Variants in HEPACAM2 observed in about 807,000 individuals in gnomAD.
The protein encoded by HEPACAM2 is mitotic kinetics regulator.
HEPACAM2 carries 49 observed loss-of-function variants against 49.6 expected under a neutral mutation model. The ratio of observed to expected loss-of-function variants is 0.99; its 90% CI spans 0.78 to 1.25. The LOEUF (loss-of-function observed/expected upper bound fraction) is 1.25. Among genes scored for constraint, HEPACAM2 ranks in the 50% most tolerant of loss-of-function variants. HEPACAM2 has a pLI of 0.00. For synonymous variants in HEPACAM2, 197 were observed against 202.9 expected (o/e 0.97, Z 0.25); for missense variants, 525 against 557.2 (o/e 0.94, Z 0.58).
chr7:93,219,072 C>G (rs930216218), intron 2 of HEPACAM2, 29 bp downstream of exon 2: 4 of 1,591,192 alleles, frequency 2.5e-6, no homozygotes, highest in Non-Finnish European at 3.4e-6. Flanking sequence ...TGCTAGACTG[C>G]TGCCCTCGTA....
chr7:93,190,084 C>T (rs886360881), intron 9 of HEPACAM2, among the ~76,000 whole-genome samples: 5 of 151,888 alleles, frequency 3.3e-5, no homozygotes, highest in African/African-American at 4.8e-5. Flanking sequence ...TTTAAAAGAT[C>T]GAGTCTTATT....
intron 9 of HEPACAM2, 25 bp downstream of exon 9, chr7:93,192,229 C>G (rs760133477): frequency 1.3e-6 from 2 of 1,529,164 alleles, no homozygotes; most frequent in Non-Finnish European, 1.8e-6. Flanking sequence ...CTCCATAGCA[C>G]CATCAAATGC....
At chr7:93,223,665 G>A (rs1231230390) in intron 1 of HEPACAM2, among the ~76,000 whole-genome samples, 1 of 152,080 alleles carries the variant, frequency 6.6e-6, no homozygotes, top group African/African-American at 2.4e-5. Context: ...AAATGTTTGT[G>A]TGACAGTGAG....
intron 3 of HEPACAM2, among the ~76,000 whole-genome samples, chr7:93,214,872 T>C (rs1794262033): frequency 6.6e-6 from 1 of 152,124 alleles, no homozygotes; most frequent in Non-Finnish European, 1.5e-5. Flanking sequence ...CTTAAGTAAA[T>C]TTCCCCAGGA....
chr7:93,207,722 T>G (rs778805462), intron 4 of HEPACAM2, among the ~76,000 whole-genome samples: 14 of 151,826 alleles, frequency 9.2e-5, no homozygotes, highest in Non-Finnish European at 1.3e-4. Flanking sequence ...ATAGCAATTT[T>G]GGGGGAAAGA....
At chr7:93,197,721 G>A (rs539976698) in intron 4 of HEPACAM2, 111 bp from the exon 5 acceptor site, 39 of 703,946 alleles carry the variant, frequency 5.5e-5, no homozygotes, top group Middle Eastern at 4.1e-4. Flanking sequence ...ATATAAACAC[G>A]TATATTAGAG....
At chr7:93,200,211 A>AT (rs1001002593) in intron 4 of HEPACAM2, among the ~76,000 whole-genome samples, 4 of 151,584 alleles carry the variant, frequency 2.6e-5, no homozygotes, top group Non-Finnish European at 5.9e-5. Context: ...CCACTTTGTG[A>AT]TTTTTTTCGG....
chr7:93,195,868 T>C lies in HEPACAM2; in HGVS notation c.1235A>G (p.Tyr412Cys). 6.2e-7 allele frequency: 1 copy of C among 1,613,118 alleles called. No homozygotes were observed. Among genetic ancestry groups the C allele is most frequent in the Non-Finnish European group, 8.5e-7 (1 of 1,179,466 alleles). The stretch of plus-strand genomic sequence containing the variant: ...AACATCTGGAAAAGCAACAAATTCA[T>C]ATATTCCGAAGTCATCCAGAGCATC... The part of the protein sequence containing the change: ...HEDALDDFGI[Y>C]EFVAFPDVSG... The change falls in exon 8 of 10, where the codon TAT (tyrosine) becomes TGT (cysteine). Residue 412 changes from tyrosine to cysteine, a missense_variant. Coordinates refer to ENST00000394468, the MANE Select transcript of HEPACAM2 (RefSeq NM_001039372.4).
intron 2 of HEPACAM2, among the ~76,000 whole-genome samples, chr7:93,218,086 T>A (rs1794354492): frequency 6.6e-6 from 1 of 152,026 alleles, no homozygotes. Context: ...GAGTGTGTTT[T>A]GGCCCGTTCC....
chr7:93,213,615 G>C (rs1188826638), intron 3 of HEPACAM2, among the ~76,000 whole-genome samples: 3 of 152,086 alleles, frequency 2.0e-5, no homozygotes, highest in Non-Finnish European at 4.4e-5. Flanking sequence ...TTAAGTTCAA[G>C]AAACTTTATT....
At chr7:93,226,741 G>A (rs750147332), upstream of HEPACAM2, among the ~76,000 whole-genome samples, 33 of 152,040 alleles carry the variant, frequency 2.2e-4, no homozygotes, top group African/African-American at 7.7e-4. Context: ...ATCCTTTTGC[G>A]TGACTTTACT....
chr7:93,195,257 T>G (rs1793662525), intron 8 of HEPACAM2, among the ~76,000 whole-genome samples: 1 of 152,112 alleles, frequency 6.6e-6, no homozygotes, highest in Non-Finnish European at 1.5e-5. Context: ...AGACAGGGTC[T>G]TACTCTGCTG....
intron 4 of HEPACAM2, among the ~76,000 whole-genome samples, chr7:93,205,906 T>C (rs946205338): frequency 6.6e-6 from 1 of 152,152 alleles, no homozygotes; most frequent in African/African-American, 2.4e-5. Flanking sequence ...AATAAGCACC[T>C]GCTCTTCTTA....
chr7:93,195,970 T>A, intron 7 of HEPACAM2, 69 bp from the exon 8 acceptor site: 1 of 1,085,328 alleles, frequency 9.2e-7, no homozygotes, highest in Non-Finnish European at 1.4e-6. Flanking sequence ...TAAACCTTTG[T>A]AAAACTTATC....
At chr7:93,230,923 T>C (rs1015168955), upstream of HEPACAM2, among the ~76,000 whole-genome samples, 2 of 152,204 alleles carry the variant, frequency 1.3e-5, no homozygotes, top group African/African-American at 4.8e-5. Context: ...TCAAAACCAA[T>C]AATACCTCAT....
intron 2 of HEPACAM2, among the ~76,000 whole-genome samples, chr7:93,217,971 A>G (rs1263246298): frequency 6.6e-6 from 1 of 151,704 alleles, no homozygotes; most frequent in African/African-American, 2.4e-5. Context: ...TCACAGATAA[A>G]GTGACATTTG....
At chr7:93,209,904 A>G (rs1794137330) in intron 3 of HEPACAM2, among the ~76,000 whole-genome samples, 1 of 151,906 alleles carries the variant, frequency 6.6e-6, no homozygotes, top group Non-Finnish European at 1.5e-5. Context: ...AAGAATTTTT[A>G]AAATCCTCCC....
At chr7:93,223,199 T>A (rs759495125) in intron 1 of HEPACAM2, among the ~76,000 whole-genome samples, 1 of 152,216 alleles carries the variant, frequency 6.6e-6, no homozygotes, top group African/African-American at 2.4e-5. Flanking sequence ...CTGCTTTTTT[T>A]GTAATTGACT....
chr7:93,221,321 T>A (rs1046050356), intron 1 of HEPACAM2, among the ~76,000 whole-genome samples: 1 of 152,168 alleles, frequency 6.6e-6, no homozygotes, highest in African/African-American at 2.4e-5. Flanking sequence ...CACTTTTTCA[T>A]TTTTTTCTAC....
Sources: gnomAD v4.1 joint callset for allele counts (sites outside exome capture counted in the v4.1 genomes callset) on GRCh38, gnomAD v4.1.1 for gene constraint, MANE v1.5 for transcripts, NCBI Gene and HGNC (gene_info 2026-07-23, HGNC 2026-07-21) for gene names.